MARCHF11: variants seen among roughly 807,000 people sequenced by gnomAD.
MARCHF11 encodes the protein membrane associated ring-CH-type finger 11.
A neutral mutation model predicts 37.3 loss-of-function variants in MARCHF11; 29 were observed. The observed-to-expected ratio is 0.78, with a 90% CI of 0.58 to 1.06. The LOEUF (loss-of-function observed/expected upper bound fraction) is 1.06. MARCHF11 is among the 50% of genes least tolerant of loss of function. The probability of loss-of-function intolerance (pLI) is 0.00; values close to 1 mark genes in which losing one functional copy is unlikely to be tolerated. For synonymous variants in MARCHF11, 233 were observed against 228.0 expected (o/e 1.02, Z -0.20); for missense variants, 482 against 533.4 (o/e 0.90, Z 0.95).
chr5:16,167,560 C>T (rs1006791124), intron 2 of MARCHF11, among the ~76,000 whole-genome samples: 1 of 152,068 alleles, frequency 6.6e-6, no homozygotes, highest in African/African-American at 2.4e-5. Context: ...TGTGCTTTAT[C>T]GGTCTACCAA....
rs1159360279 is a variant in MARCHF11, at chr5:16,165,009, A to G, written c.693+12717T>C. ...GAATGAAACTCCAATTCCTCATGAC[A>G]TCTCCTACGCTTCATCACTCAAAGC... On this transcript the variant is annotated intron_variant, in intron 2 of 3. Coordinates refer to ENST00000332432, the MANE Select transcript of MARCHF11 (RefSeq NM_001102562.3). Among the ~76,000 whole-genome samples, 3 of 152,148 alleles carry G rather than the reference A, an allele frequency of 2.0e-5. No homozygotes were observed. The East Asian group carries it at 5.8e-4, about 30-fold the overall frequency.
chr5:16,084,816 C>T (rs765156599), intron 3 of MARCHF11, among the ~76,000 whole-genome samples: 16 of 150,156 alleles, frequency 1.1e-4, no homozygotes, highest in Non-Finnish European at 1.5e-5. Flanking sequence ...TTTATCTGAT[C>T]CTCATTCTGG....
chr5:16,166,243 G>A (rs1440423815), intron 2 of MARCHF11, among the ~76,000 whole-genome samples: 3 of 151,964 alleles, frequency 2.0e-5, no homozygotes, highest in Admixed American at 6.6e-5. Context: ...CATATTGCAT[G>A]TGACTATTTT....
intron 3 of MARCHF11, among the ~76,000 whole-genome samples, chr5:16,070,723 T>C (rs1736420740): frequency 6.6e-6 from 1 of 152,176 alleles, no homozygotes; most frequent in African/African-American, 2.4e-5. Flanking sequence ...TGAACCAAAT[T>C]TAAAGAGAGA....
At chr5:16,091,764 C>T (rs1161122312) in intron 2 of MARCHF11, among the ~76,000 whole-genome samples, 3 of 152,270 alleles carry the variant, frequency 2.0e-5, no homozygotes, top group East Asian at 1.9e-4. Context: ...TCAGCATGTA[C>T]GCTTCAGTGG....
chr5:16,156,803 A>C (rs1737983980), intron 2 of MARCHF11, among the ~76,000 whole-genome samples: 1 of 151,942 alleles, frequency 6.6e-6, no homozygotes, highest in East Asian at 1.9e-4. Flanking sequence ...TTGTTCCTAA[A>C]CTACAAGCCT....
At chr5:16,086,508 G>A (rs2126553779) in intron 3 of MARCHF11, among the ~76,000 whole-genome samples, 1 of 152,274 alleles carries the variant, frequency 6.6e-6, no homozygotes, top group African/African-American at 2.4e-5. Context: ...TCTTCCTATA[G>A]TACTTGAGGG....
chr5:16,153,839 T>C (rs1244635369), intron 2 of MARCHF11, among the ~76,000 whole-genome samples: 1 of 151,960 alleles, frequency 6.6e-6, no homozygotes, highest in Non-Finnish European at 1.5e-5. Flanking sequence ...TAATCTGAAG[T>C]GCTGTCTGCA....
intron 3 of MARCHF11, among the ~76,000 whole-genome samples, chr5:16,073,994 T>G (rs1463814618): frequency 6.6e-6 from 1 of 152,132 alleles, no homozygotes; most frequent in Non-Finnish European, 1.5e-5. Context: ...GACCATATGA[T>G]AGGCCACAGA....
At chr5:16,133,470 A>G (rs1205435448) in intron 2 of MARCHF11, among the ~76,000 whole-genome samples, 1 of 152,206 alleles carries the variant, frequency 6.6e-6, no homozygotes, top group Non-Finnish European at 1.5e-5. Flanking sequence ...GCATGAGAGA[A>G]TCCAACAAGA....
intron 2 of MARCHF11, among the ~76,000 whole-genome samples, chr5:16,096,229 A>T (rs1044564201): frequency 2.0e-5 from 3 of 152,200 alleles, no homozygotes; most frequent in African/African-American, 7.2e-5. Flanking sequence ...ACACCTGCAA[A>T]AGCAGTCCAA....
rs1037986419 is a variant in MARCHF11 at position 16,081,043 on chromosome 5, A to G, written c.886+9846T>C. On this transcript the variant is annotated intron_variant, in intron 3 of 3. Coordinates refer to ENST00000332432, the MANE Select transcript of MARCHF11 (RefSeq NM_001102562.3). ...TAAAAATGACAGGACTTCATACGTT[A>G]CTAGGTCTAGGCTTTTGCCTCTCTC... is the stretch of plus-strand genomic sequence containing the variant. 2.0e-4 allele frequency among the ~76,000 whole-genome samples: 30 copies of G among 152,126 alleles called. 1 individual carries two copies. Among genetic ancestry groups the G allele is most frequent in the African/African-American group, 7.2e-4 (30 of 41,434 alleles).
At chr5:16,086,168 C>T (rs142916805) in intron 3 of MARCHF11, among the ~76,000 whole-genome samples, 2 of 152,064 alleles carry the variant, frequency 1.3e-5, no homozygotes, top group South Asian at 2.1e-4. Flanking sequence ...TAGATTATAT[C>T]GTTGAGTGAA....
At chr5:16,094,106 C>T (rs944318507) in intron 2 of MARCHF11, among the ~76,000 whole-genome samples, 1 of 152,084 alleles carries the variant, frequency 6.6e-6, no homozygotes, top group African/African-American at 2.4e-5. Context: ...CAGGAATTTC[C>T]CTTTGAAGAC....
intron 2 of MARCHF11, among the ~76,000 whole-genome samples, chr5:16,126,487 T>G (rs1737409553): frequency 6.6e-6 from 1 of 152,208 alleles, no homozygotes; most frequent in South Asian, 2.1e-4. Context: ...GCTTAAGTTC[T>G]TAACTGCAAA....
chr5:16,103,777 T>C (rs993686781), intron 2 of MARCHF11, among the ~76,000 whole-genome samples: 3 of 152,070 alleles, frequency 2.0e-5, no homozygotes, highest in Non-Finnish European at 2.9e-5. Flanking sequence ...TTAAAAGTCA[T>C]GCCGCATAAG....
At chr5:16,114,159 C>T (rs1389703490) in intron 2 of MARCHF11, among the ~76,000 whole-genome samples, 1 of 152,136 alleles carries the variant, frequency 6.6e-6, no homozygotes, top group Non-Finnish European at 1.5e-5. Flanking sequence ...TCTACATTTT[C>T]TTTATTCATC....
chr5:16,119,233 C>G (rs1005847549), intron 2 of MARCHF11, among the ~76,000 whole-genome samples: 1 of 151,942 alleles, frequency 6.6e-6, no homozygotes, highest in African/African-American at 2.4e-5. Flanking sequence ...TGTGGTGACT[C>G]ACGCCTGTAA....
chr5:16,152,117 ATATTT>A (rs1296799915), intron 2 of MARCHF11, among the ~76,000 whole-genome samples: 6 of 151,952 alleles, frequency 3.9e-5, no homozygotes, highest in Non-Finnish European at 8.8e-5. Flanking sequence ...GCTGAGCTTT[ATATTT>A]TATTTCTATT....
Sources: allele counts gnomAD v4.1 joint callset (sites outside exome capture counted in the v4.1 genomes callset), GRCh38; gene constraint gnomAD v4.1.1; transcripts MANE v1.5; gene names NCBI Gene and HGNC (gene_info 2026-07-23, HGNC 2026-07-21).